Variants in KIF26B observed in about 807,000 individuals in gnomAD.
KIF26B encodes the protein kinesin family member 26B.
KIF26B carries 63 observed loss-of-function variants against 151.2 expected under a neutral mutation model. The observed-to-expected ratio is 0.42, with a 90% CI of 0.34 to 0.51. The LOEUF is 0.51. Among genes scored for constraint, KIF26B ranks in the 20% least tolerant of loss-of-function variants. The pLI is 0.07. For synonymous variants in KIF26B, 1,357 were observed against 1,262.1 expected, an observed-to-expected ratio of 1.08 and a Z score of -1.59; for missense variants, 2,813 against 2,913.6, an observed-to-expected ratio of 0.97 and a Z score of 0.79.
intron 4 of KIF26B, among the ~76,000 whole-genome samples, chr1:245,423,848 C>A (rs1374074276): frequency 1.3e-5 from 2 of 151,620 alleles, no homozygotes; most frequent in African/African-American, 2.4e-5. Flanking sequence ...ATTTTAAAAT[C>A]TTTTTTTTGA....
At chr1:245,676,355 A>G (rs540758344) in intron 10 of KIF26B, 54 of 152,348 alleles carry the variant, frequency 3.5e-4, no homozygotes, top group African/African-American at 1.2e-3. Context: ...ATGAGTAATA[A>G]AAGTTTCATG....
Position 245,312,068 on chromosome 1 carries a change from C to T in KIF26B, c.466-54766C>T, listed in dbSNP as rs74414900. 3.6e-3 allele frequency among the ~76,000 whole-genome samples: 547 copies of T among 152,332 alleles called. 1 individual carries two copies. Among genetic ancestry groups the T allele is most frequent in the African/African-American group, 0.012 (513 of 41,566 alleles). On this transcript the variant is annotated intron_variant, in intron 2 of 14. Coordinates refer to ENST00000407071, the MANE Select transcript of KIF26B (RefSeq NM_018012.4). ...CTTAGTCATCCTATAAAGAGCCCAG[C>T]ATCTGACTGCACAGCTGGGTCTACC...
At chr1:245,346,211 G>C (rs981481184) in intron 2 of KIF26B, among the ~76,000 whole-genome samples, 14 of 152,030 alleles carry the variant, frequency 9.2e-5, no homozygotes, top group African/African-American at 3.4e-4. Flanking sequence ...CCAAAGTGCT[G>C]GGATAACAGG....
At chr1:245,682,225 A>T (rs1234145671) in intron 10 of KIF26B, among the ~76,000 whole-genome samples, 1 of 152,244 alleles carries the variant, frequency 6.6e-6, no homozygotes, top group East Asian at 1.9e-4. Flanking sequence ...AGCCTGGGCA[A>T]CAGAGCAAGA....
chr1:245,628,710 T>C (rs1156492476), intron 9 of KIF26B, among the ~76,000 whole-genome samples: 17 of 152,184 alleles, frequency 1.1e-4, no homozygotes, highest in Admixed American at 2.6e-4. Context: ...ATGCCCTCTC[T>C]CAGCACTCCT....
intron 2 of KIF26B, among the ~76,000 whole-genome samples, chr1:245,354,905 A>G (rs529888553): frequency 6.6e-6 from 1 of 152,168 alleles, no homozygotes; most frequent in East Asian, 1.9e-4. Context: ...GGACTGGATG[A>G]TTTTTATTTT....
chr1:245,277,844 G>A (rs1319449850), intron 2 of KIF26B, among the ~76,000 whole-genome samples: 1 of 152,108 alleles, frequency 6.6e-6, no homozygotes, highest in Non-Finnish European at 1.5e-5. Flanking sequence ...AACCCCTGGT[G>A]CATCAGGTAA....
intron 4 of KIF26B, among the ~76,000 whole-genome samples, chr1:245,465,257 C>T (rs1482697127): frequency 6.6e-6 from 1 of 152,290 alleles, no homozygotes; most frequent in African/African-American, 2.4e-5. Flanking sequence ...GGATCACAGG[C>T]GTGAGCCACC....
chr1:245,266,784 T>C (rs370925209), intron 2 of KIF26B, among the ~76,000 whole-genome samples: 5 of 152,272 alleles, frequency 3.3e-5, no homozygotes, highest in African/African-American at 1.2e-4. Flanking sequence ...GGATTACAGA[T>C]GTGAGCCACT....
chr1:245,376,422 T>A (rs1008318767), intron 3 of KIF26B, among the ~76,000 whole-genome samples: 2 of 148,172 alleles, frequency 1.3e-5, no homozygotes, highest in African/African-American at 2.5e-5. Flanking sequence ...CTTGGGAGAT[T>A]AAAAAAAAAA....
intron 3 of KIF26B, among the ~76,000 whole-genome samples, chr1:245,388,770 G>T (rs1673615268): frequency 6.6e-6 from 1 of 152,222 alleles, no homozygotes; most frequent in Non-Finnish European, 1.5e-5. Flanking sequence ...TAGCAATGCT[G>T]CTCTGAGTCT....
At chr1:245,184,491 C>T (rs952659971) in intron 2 of KIF26B, among the ~76,000 whole-genome samples, 1 of 152,038 alleles carries the variant, frequency 6.6e-6, no homozygotes, top group Non-Finnish European at 1.5e-5. Flanking sequence ...TTTATAATCT[C>T]TGGGGAAGCA....
intron 9 of KIF26B, among the ~76,000 whole-genome samples, chr1:245,613,949 G>T (rs2043555999): frequency 6.6e-6 from 1 of 152,104 alleles, no homozygotes; most frequent in African/African-American, 2.4e-5. Context: ...CTTGCCGTTT[G>T]TCCCTTCCCC....
rs79347359 is a variant in KIF26B at position 245,267,209 on chromosome 1, C to T, written c.466-99625C>T. 5.9e-3 allele frequency among the ~76,000 whole-genome samples: 895 copies of T among 152,338 alleles called. 13 individuals carry two copies. The highest frequency in any genetic ancestry group is 0.02 in the African/African-American group (825 of 41,564). ...AATTCCTTGCTCACTGCTTTTACCT[C>T]ACTGTGGCCATCTTCTCTACTAAGA... is the stretch of plus-strand genomic sequence containing the variant. On this transcript the variant is annotated intron_variant, in intron 2 of 14. Transcript: ENST00000407071.
At chr1:245,417,201 A>C (rs933541559) in intron 3 of KIF26B, among the ~76,000 whole-genome samples, 2 of 152,244 alleles carry the variant, frequency 1.3e-5, no homozygotes. Context: ...TCTAAGATAA[A>C]AAATGCTAAC....
chr1:245,188,798 G>T (rs2152909), intron 2 of KIF26B, among the ~76,000 whole-genome samples: 2 of 152,216 alleles, frequency 1.3e-5, no homozygotes, highest in Non-Finnish European at 2.9e-5. Context: ...GTAGCCAAAA[G>T]GTGGGAACAG....
At chr1:245,188,586 T>G (rs1309276744) in intron 2 of KIF26B, among the ~76,000 whole-genome samples, 1 of 152,208 alleles carries the variant, frequency 6.6e-6, no homozygotes, top group East Asian at 1.9e-4. Flanking sequence ...GTACAGATTT[T>G]AAAACTGAAC....
intron 2 of KIF26B, among the ~76,000 whole-genome samples, chr1:245,229,328 A>G (rs1312179129): frequency 6.6e-6 from 1 of 152,040 alleles, no homozygotes; most frequent in African/African-American, 2.4e-5. Context: ...CCCAAACTGT[A>G]TTTTTAGGGG....
At position 245,256,520 on chromosome 1, in the gene KIF26B, C is replaced by T. The variant is rs561942671; in HGVS notation, c.465+99837C>T. Among the ~76,000 whole-genome samples, 5 of 152,286 alleles carry T rather than the reference C, an allele frequency of 3.3e-5. No individual in the cohort carries two copies. In the South Asian group the frequency reaches 1.0e-3, roughly 32 times the overall value. ...CCCTGGCCAGTGCTGCTCAGCCTTC[C>T]CCACTTTTAGGAGAGTTGGTTGACT... is the stretch of plus-strand genomic sequence containing the variant. On this transcript the variant is annotated intron_variant, in intron 2 of 14. Coordinates refer to ENST00000407071, the MANE Select transcript of KIF26B (RefSeq NM_018012.4).
Sources: allele counts gnomAD v4.1 joint callset (sites outside exome capture counted in the v4.1 genomes callset), GRCh38; gene constraint gnomAD v4.1.1; transcripts MANE v1.5; gene names NCBI Gene and HGNC (gene_info 2026-07-23, HGNC 2026-07-21).